The following RTL9 variants were observed in gnomAD, a reference collection of about 807,000 sequenced individuals.
RTL9 encodes the protein retrotransposon Gag like 9.
RTL9 carries 19 observed loss-of-function variants against 44.7 expected under a neutral mutation model. The ratio of observed to expected loss-of-function variants is 0.42; its 90% CI spans 0.30 to 0.62. The LOEUF is 0.62. Among genes scored for constraint, RTL9 ranks in the 20% least tolerant of loss-of-function variants. The pLI is 0.16. For missense variants in RTL9, 1,105 were observed against 1,080.6 expected, an observed-to-expected ratio of 1.02 and a Z score of -0.32; for synonymous variants, 407 against 398.9, an observed-to-expected ratio of 1.02 and a Z score of -0.24.
intron 1 of RTL9, among the ~76,000 whole-genome samples, chrX:110,359,125 T>C (rs1353113507): frequency 9.0e-6 from 1 of 111,220 alleles, no homozygotes; most frequent in Non-Finnish European, 1.9e-5. Context: ...CAAGGTCACA[T>C]AGCTGGTTAA....
chrX:110,369,199 G>C (rs960091036), intron 1 of RTL9, among the ~76,000 whole-genome samples: 3 of 110,824 alleles, frequency 2.7e-5, no homozygotes, highest in Non-Finnish European at 3.8e-5. Flanking sequence ...GGGTGTGGTG[G>C]CACGCTCCTG....
chrX:110,409,102 A>G (rs754498899), intron 1 of RTL9, among the ~76,000 whole-genome samples: 2 of 111,762 alleles, frequency 1.8e-5, no homozygotes, highest in African/African-American at 3.3e-5. Context: ...TAAATAATGA[A>G]TAATGAATGT....
At chrX:110,451,331 C>T (rs2068939034) in exon 1 of RTL9, 1 of 1,210,493 alleles carries the variant, frequency 8.3e-7, no homozygotes, top group African/African-American at 1.7e-5. Flanking sequence ...CAGATGAAGA[C>T]ACCGAAGCAA....
intron 1 of RTL9, among the ~76,000 whole-genome samples, chrX:110,400,013 A>C: frequency 9.0e-6 from 1 of 110,567 alleles, no homozygotes; most frequent in Admixed American, 9.7e-5. Context: ...TCATTATAGC[A>C]ATTCAACATT....
chrX:110,430,190 A>G (rs147989693), intron 1 of RTL9, among the ~76,000 whole-genome samples: 324 of 112,759 alleles, frequency 2.9e-3, no homozygotes, highest in Admixed American at 4.1e-3. Context: ...TGCTCAACAT[A>G]TATTTGCTGA....
At chrX:110,369,347 GA>G (rs1300769173) in intron 1 of RTL9, among the ~76,000 whole-genome samples, 1 of 110,881 alleles carries the variant, frequency 9.0e-6, no homozygotes. Context: ...AAGAAAAAAA[GA>G]AAAAAAGAAA....
At chrX:110,440,618 C>G (rs1157319727) in intron 1 of RTL9, among the ~76,000 whole-genome samples, 2 of 112,134 alleles carry the variant, frequency 1.8e-5, no homozygotes, top group Non-Finnish European at 3.8e-5. Context: ...GCCCAGGTCT[C>G]TGATGCGCTA....
At chrX:110,420,914 G>A (rs1395854537) in intron 1 of RTL9, among the ~76,000 whole-genome samples, 4 of 111,584 alleles carry the variant, frequency 3.6e-5, no homozygotes, top group Non-Finnish European at 5.6e-5. Flanking sequence ...CACACACAGC[G>A]CCCTGCACAA....
chrX:110,359,376 T>C (rs1449959070), intron 1 of RTL9, among the ~76,000 whole-genome samples: 1 of 111,753 alleles, frequency 8.9e-6, no homozygotes, highest in Non-Finnish European at 1.9e-5. Context: ...CTGCCTCTTT[T>C]GGCATTACTC....
At chrX:110,397,166 G>T (rs909958310) in intron 1 of RTL9, among the ~76,000 whole-genome samples, 14 of 111,118 alleles carry the variant, frequency 1.3e-4, no homozygotes, top group African/African-American at 4.6e-4. Context: ...TTGTTCCAAA[G>T]ACTTACTCTT....
At chrX:110,455,744 A>G (rs746083071) in exon 2 of RTL9, 24 of 121,107 alleles carry the variant, frequency 2.0e-4, no homozygotes, top group Admixed American at 4.2e-4. Context: ...AGCGATGCCC[A>G]CTCCTATACC....
chrX:110,453,632 A>G, exon 1 of RTL9: 4 of 1,212,028 alleles, frequency 3.3e-6, no homozygotes, highest in Non-Finnish European at 3.3e-6. Flanking sequence ...CCTTGTCACA[A>G]ACAACATATA....
At chrX:110,367,116 C>A (rs932435873) in intron 1 of RTL9, among the ~76,000 whole-genome samples, 2 of 112,091 alleles carry the variant, frequency 1.8e-5, no homozygotes, top group Admixed American at 1.9e-4. Flanking sequence ...TACTTATGCA[C>A]TAAATTTTAT....
exon 1 of RTL9, chrX:110,451,079 G>A (rs773489933): frequency 5.8e-6 from 7 of 1,211,961 alleles, no homozygotes; most frequent in South Asian, 1.8e-5. Flanking sequence ...TGTCCGCAAC[G>A]CTAATGGTAG....
intron 1 of RTL9, among the ~76,000 whole-genome samples, chrX:110,440,520 C>G (rs746385263): frequency 8.9e-6 from 1 of 111,735 alleles, no homozygotes; most frequent in East Asian, 2.8e-4. Flanking sequence ...TTCTTGTTTC[C>G]AACTTGCTGA....
At chrX:110,411,217 C>A (rs1273377187) in intron 1 of RTL9, among the ~76,000 whole-genome samples, 1 of 111,875 alleles carries the variant, frequency 8.9e-6, no homozygotes, top group East Asian at 2.8e-4. Flanking sequence ...GAGAATGGAG[C>A]TGTGATGAGT....
At chrX:110,387,228 T>A (rs970222442) in intron 1 of RTL9, among the ~76,000 whole-genome samples, 15 of 112,241 alleles carry the variant, frequency 1.3e-4, no homozygotes, top group Admixed American at 1.3e-3. Context: ...ATCCCCACAG[T>A]CCCACCTTTC....
chrX:110,399,126 C>T (rs1302547736), intron 1 of RTL9, among the ~76,000 whole-genome samples: 1 of 112,022 alleles, frequency 8.9e-6, no homozygotes, highest in Non-Finnish European at 1.9e-5. Flanking sequence ...ACAATGGACT[C>T]ACAATAACAA....
At chrX:110,368,186 T>A (rs2068311821) in intron 1 of RTL9, among the ~76,000 whole-genome samples, 1 of 109,828 alleles carries the variant, frequency 9.1e-6, no homozygotes, top group African/African-American at 3.3e-5. Flanking sequence ...GCTATAACCT[T>A]AATCCAAGCC....
Sources: gnomAD v4.1 joint callset for allele counts (sites outside exome capture counted in the v4.1 genomes callset) on GRCh38, gnomAD v4.1.1 for gene constraint, MANE v1.5 for transcripts, NCBI Gene and HGNC (gene_info 2026-07-23, HGNC 2026-07-21) for gene names.